Variants in ITGBL1 observed in about 807,000 individuals in gnomAD.
The protein encoded by ITGBL1 is integrin beta-like protein 1.
A neutral mutation model predicts 68.5 loss-of-function variants in ITGBL1; 51 were observed. That is an observed-to-expected ratio of 0.74 (90% CI 0.59 to 0.94). The LOEUF (loss-of-function observed/expected upper bound fraction) is 0.94. Ranked by LOEUF, ITGBL1 falls within the 40% of genes least tolerant of loss-of-function variation. The pLI is 0.00. For synonymous variants in ITGBL1, 209 were observed against 227.3 expected (o/e 0.92, Z 0.72); for missense variants, 649 against 647.4 (o/e 1.00, Z -0.03).
intron 7 of ITGBL1, among the ~76,000 whole-genome samples, chr13:101,619,071 T>G (rs1190753341): frequency 6.6e-6 from 1 of 152,012 alleles, no homozygotes; most frequent in Non-Finnish European, 1.5e-5. Flanking sequence ...TGCATTCAGG[T>G]TGATATTGAT....
intron 2 of ITGBL1, among the ~76,000 whole-genome samples, chr13:101,525,571 T>G (rs1048858130): frequency 1.3e-5 from 2 of 152,014 alleles, no homozygotes; most frequent in Non-Finnish European, 2.9e-5. Context: ...TTTCTTATTC[T>G]TCCACTATTC....
At chr13:101,544,773 C>T (rs532215242) in intron 2 of ITGBL1, among the ~76,000 whole-genome samples, 1 of 152,204 alleles carries the variant, frequency 6.6e-6, no homozygotes, top group Non-Finnish European at 1.5e-5. Flanking sequence ...CTCCCCGAGC[C>T]TTGCTGCTGC....
rs190020641 is a variant in ITGBL1 at position 101,519,346 on chromosome 13, G to A, written c.317-48353G>A. On this transcript the variant is annotated intron_variant, in intron 2 of 10. Transcript: ENST00000376180. ...TGTCTATTGAGCACTTGAAATAAGC[G>A]TAGTGCAAATTAAAAACTGAATTTT... Among the ~76,000 whole-genome samples, 8 of 152,234 alleles carry A rather than the reference G, an allele frequency of 5.3e-5. No homozygotes were observed. In the South Asian group the frequency reaches 8.3e-4, roughly 16 times the overall value.
At chr13:101,577,701 AC>A (rs1284673541) in intron 4 of ITGBL1, among the ~76,000 whole-genome samples, 3 of 152,142 alleles carry the variant, frequency 2.0e-5, no homozygotes, top group Non-Finnish European at 4.4e-5. Flanking sequence ...GGTCGTACAA[AC>A]CTGACTCCTA....
chr13:101,525,526 G>GTTTT (rs1555356247), intron 2 of ITGBL1, among the ~76,000 whole-genome samples: 12 of 107,122 alleles, frequency 1.1e-4, no homozygotes, highest in African/African-American at 3.3e-4. Context: ...CAGGCACCTT[G>GTTTT]TTTTTTTTTT....
intron 7 of ITGBL1, among the ~76,000 whole-genome samples, chr13:101,691,391 AATT>A (rs2033879964): frequency 6.6e-6 from 1 of 152,166 alleles, no homozygotes; most frequent in Non-Finnish European, 1.5e-5. Flanking sequence ...ACAGCTCTGA[AATT>A]ATATGATCCT....
chr13:101,601,517 A>C (rs916945576), intron 7 of ITGBL1, among the ~76,000 whole-genome samples: 4 of 151,804 alleles, frequency 2.6e-5, no homozygotes, highest in African/African-American at 9.7e-5. Flanking sequence ...AGTTCTTTTA[A>C]TTGTGATGTT....
chr13:101,503,307 G>C (rs894292075), intron 2 of ITGBL1, among the ~76,000 whole-genome samples: 2 of 152,104 alleles, frequency 1.3e-5, no homozygotes, highest in East Asian at 1.9e-4. Flanking sequence ...GAGTGGTGAG[G>C]CTCTCATTGG....
intron 7 of ITGBL1, among the ~76,000 whole-genome samples, chr13:101,604,176 A>G (rs1023063016): frequency 6.6e-6 from 1 of 151,886 alleles, no homozygotes; most frequent in Non-Finnish European, 1.5e-5. Context: ...ACTTATAGCA[A>G]TGGTTTTTCA....
rs565386350 is a variant in ITGBL1, at chr13:101,532,139, T to C, written c.317-35560T>C. Among the ~76,000 whole-genome samples the C allele has an allele frequency of 9.8e-5, 15 of 152,298 alleles. No individual in the cohort carries two copies. The South Asian group carries it at 2.3e-3, about 23-fold the overall frequency. On this transcript the variant is annotated intron_variant, in intron 2 of 10. Coordinates refer to ENST00000376180, the MANE Select transcript of ITGBL1 (RefSeq NM_004791.3). ...TAAAGAACGAATTTTTTTCAAGTTA[T>C]TTCTTAGAAGTTATTTATTTGAAGA... is the stretch of plus-strand genomic sequence containing the variant.
Position 101,552,118 on chromosome 13 carries a change from C to T in ITGBL1, c.317-15581C>T, listed in dbSNP as rs147188054. ...ATACTGGCCACTCTAGCAACCTTTCCTTAACTGCATACCTGAGTACAGTTT... is the reference window on the plus strand; with the variant it reads ...ATACTGGCCACTCTAGCAACCTTTCTTTAACTGCATACCTGAGTACAGTTT... On this transcript the variant is annotated intron_variant, in intron 2 of 10. Transcript: ENST00000376180. 1.1e-4 allele frequency among the ~76,000 whole-genome samples: 17 copies of T among 152,312 alleles called. No individual in the cohort carries two copies. In the East Asian group the frequency reaches 3.3e-3, roughly 29 times the overall value.
At chr13:101,463,924 T>TC (rs1344684304) in intron 2 of ITGBL1, among the ~76,000 whole-genome samples, 2 of 137,384 alleles carry the variant, frequency 1.5e-5, no homozygotes, top group African/African-American at 3.0e-5. Context: ...TTTTTTTTTT[T>TC]CCGAGACAGA....
chr13:101,659,313 G>A (rs1049082620), intron 7 of ITGBL1, among the ~76,000 whole-genome samples: 2 of 152,020 alleles, frequency 1.3e-5, no homozygotes, highest in African/African-American at 2.4e-5. Flanking sequence ...TTCCAGATAT[G>A]AGTAAACAAT....
chr13:101,670,116 T>C (rs1252016416), intron 7 of ITGBL1, among the ~76,000 whole-genome samples: 3 of 152,238 alleles, frequency 2.0e-5, no homozygotes, highest in African/African-American at 7.2e-5. Flanking sequence ...CTCTTGGCTT[T>C]TCTTGATGTG....
At chr13:101,458,178 T>G (rs1386098602) in intron 2 of ITGBL1, among the ~76,000 whole-genome samples, 1 of 152,178 alleles carries the variant, frequency 6.6e-6, no homozygotes, top group African/African-American at 2.4e-5. Flanking sequence ...ATGCAAAATA[T>G]CATCTGTACA....
chr13:101,649,280 AC>A (rs2032667304), intron 7 of ITGBL1, among the ~76,000 whole-genome samples: 1 of 152,200 alleles, frequency 6.6e-6, no homozygotes, highest in African/African-American at 2.4e-5. Flanking sequence ...TATTCAAAAC[AC>A]AAGGGATGTG....
In ITGBL1 at chr13:101,706,901, G is replaced by A; in HGVS notation, c.1278G>A (p.Lys426=). ...CAGATGGCATATTGTGCTCGGGGAA[G>A]GGTGAGTATCTCTGCTGGTGCCTGG... is the stretch of plus-strand genomic sequence containing the variant. ...ESADGILCSG[K]GSCHCGKCIC... The change falls in exon 9 of 11, where the codon AAG becomes AAA. Residue 426 remains lysine (K), a splice_region_variant and synonymous_variant. Coordinates refer to ENST00000376180, the MANE Select transcript of ITGBL1 (RefSeq NM_004791.3). 1 of 1,613,738 alleles carries A rather than the reference G, an allele frequency of 6.2e-7. No individual in the cohort carries two copies. Among genetic ancestry groups the A allele is most frequent in the Non-Finnish European group, 8.5e-7 (1 of 1,179,712 alleles).
intron 7 of ITGBL1, among the ~76,000 whole-genome samples, chr13:101,624,950 T>C (rs1348511716): frequency 6.6e-6 from 1 of 152,206 alleles, no homozygotes; most frequent in East Asian, 1.9e-4. Flanking sequence ...CGGTACAGCT[T>C]TCCATGGAGA....
chr13:101,715,559 G>T lies in ITGBL1; in HGVS notation c.1394-4G>T. On this transcript the variant is annotated splice_polypyrimidine_tract_variant and splice_region_variant and intron_variant, in intron 10 of 10. Coordinates refer to ENST00000376180, the MANE Select transcript of ITGBL1 (RefSeq NM_004791.3). ...TCATGATACCTATATGTATTTTATTGCAGGGAATGGAATATGTAGCTGTGG... is the reference window on the plus strand; with the variant it reads ...TCATGATACCTATATGTATTTTATTTCAGGGAATGGAATATGTAGCTGTGG... The T allele has an allele frequency of 6.2e-7, 1 of 1,601,656 alleles. No homozygotes were observed.
Sources: allele counts gnomAD v4.1 joint callset (sites outside exome capture counted in the v4.1 genomes callset), GRCh38; gene constraint gnomAD v4.1.1; transcripts MANE v1.5; gene names NCBI Gene and HGNC (gene_info 2026-07-23, HGNC 2026-07-21).